HTR1E: variants seen among roughly 807,000 people sequenced by gnomAD.
HTR1E encodes 5-hydroxytryptamine receptor 1E.
In HTR1E, 3 loss-of-function variants were observed where a neutral mutation model predicts 3.4. That is an observed-to-expected ratio of 0.89 (90% confidence interval 0.41 to 2.31). The LOEUF is 2.31. HTR1E is among the 30% of genes most tolerant of loss of function. HTR1E has a pLI of 0.05. For synonymous variants in HTR1E, 170 were observed against 182.8 expected, an observed-to-expected ratio of 0.93 and a Z score of 0.56; for missense variants, 392 against 467.0, an observed-to-expected ratio of 0.84 and a Z score of 1.48.
chr6:87,015,060 T>A (rs1281588353), intron 1 of HTR1E, 90 bp from the exon 2 acceptor site: 4 of 244,310 alleles, frequency 1.6e-5, no homozygotes, highest in Non-Finnish European at 2.3e-5. Flanking sequence ...TTAAAATTTA[T>A]AAAGAATTTA....
chr6:86,959,297 C>T (rs935863384), intron 1 of HTR1E, among the ~76,000 whole-genome samples: 1 of 152,054 alleles, frequency 6.6e-6, no homozygotes, highest in African/African-American at 2.4e-5. Context: ...AAAAAACACT[C>T]AGCTGAGCAC....
chr6:87,009,094 G>T, intron 1 of HTR1E, among the ~76,000 whole-genome samples: 1 of 146,078 alleles, frequency 6.8e-6, no homozygotes, highest in South Asian at 2.2e-4. Flanking sequence ...GATAATTCTT[G>T]GGTGTTTCTC....
At chr6:87,005,312 C>T (rs892909633) in intron 1 of HTR1E, among the ~76,000 whole-genome samples, 7 of 151,912 alleles carry the variant, frequency 4.6e-5, no homozygotes, top group African/African-American at 1.2e-4. Context: ...CAAAACTGGA[C>T]GAATAACATT....
rs985185009 is a variant in HTR1E at position 86,937,770 on chromosome 6, A to C, written c.-239A>C. ...GGTTCCGAGTGAGACTTCTGGAGCC[A>C]GCTGGACGTGCCGGTTTGCCCAGTG... On this transcript the variant is annotated 5_prime_UTR_variant, in exon 1 of 2. Transcript: ENST00000305344. 1.3e-5 allele frequency: 2 copies of C among 152,956 alleles called. No homozygotes were observed. Among genetic ancestry groups the C allele is most frequent in the African/African-American group, 2.4e-5 (1 of 41,472 alleles). 9.5% of individuals were successfully genotyped at this position (152,956 alleles called of 1,614,324 possible). A position where few individuals can be genotyped will look rare whatever the true frequency, so the allele number is the denominator to read the frequency against.
intron 1 of HTR1E, among the ~76,000 whole-genome samples, chr6:86,960,882 T>C (rs1402352945): frequency 6.6e-6 from 1 of 152,218 alleles, no homozygotes; most frequent in Non-Finnish European, 1.5e-5. Context: ...TATCTGCTAC[T>C]ACTGCTAGTT....
chr6:86,958,826 A>G (rs1439951777), intron 1 of HTR1E, among the ~76,000 whole-genome samples: 1 of 152,176 alleles, frequency 6.6e-6, no homozygotes, highest in Non-Finnish European at 1.5e-5. Flanking sequence ...AGATCCTAGC[A>G]GCCCCAGACT....
chr6:87,004,446 C>G (rs1582281700), intron 1 of HTR1E, among the ~76,000 whole-genome samples: 1 of 152,084 alleles, frequency 6.6e-6, no homozygotes, highest in East Asian at 1.9e-4. Flanking sequence ...CAACATTATG[C>G]AAATCAATGA....
chr6:86,992,149 C>A (rs982134464), intron 1 of HTR1E, among the ~76,000 whole-genome samples: 2 of 152,174 alleles, frequency 1.3e-5, no homozygotes, highest in African/African-American at 4.8e-5. Context: ...GCCTTTAACA[C>A]CTTTTTCTGG....
chr6:87,002,841 C>G (rs1269567733), intron 1 of HTR1E, among the ~76,000 whole-genome samples: 1 of 152,162 alleles, frequency 6.6e-6, no homozygotes, highest in Non-Finnish European at 1.5e-5. Flanking sequence ...ATTATTACAG[C>G]TAAGGAGAGA....
At chr6:86,982,530 G>C (rs1168780795) in intron 1 of HTR1E, among the ~76,000 whole-genome samples, 5 of 152,214 alleles carry the variant, frequency 3.3e-5, no homozygotes, top group Admixed American at 3.3e-4. Flanking sequence ...GCCCTGAAGA[G>C]GGGTCTGGGG....
At chr6:86,998,042 AT>A (rs1024063381) in intron 1 of HTR1E, among the ~76,000 whole-genome samples, 12 of 151,646 alleles carry the variant, frequency 7.9e-5, no homozygotes, top group African/African-American at 2.9e-4. Context: ...ATCAAAAAAA[AT>A]CTTAAATGTG....
At chr6:87,013,592 A>G (rs578133144) in intron 1 of HTR1E, among the ~76,000 whole-genome samples, 1 of 152,312 alleles carries the variant, frequency 6.6e-6, no homozygotes, top group Admixed American at 6.5e-5. Flanking sequence ...GCTGCTTATT[A>G]TAAGCAATAT....
At chr6:86,971,416 T>C (rs905474878) in intron 1 of HTR1E, among the ~76,000 whole-genome samples, 3 of 152,172 alleles carry the variant, frequency 2.0e-5, no homozygotes, top group Admixed American at 6.5e-5. Flanking sequence ...AAAGGCATCA[T>C]GGATATGAGC....
At chr6:86,940,983 A>G (rs754122785) in intron 1 of HTR1E, among the ~76,000 whole-genome samples, 4 of 152,256 alleles carry the variant, frequency 2.6e-5, no homozygotes, top group Non-Finnish European at 5.9e-5. Flanking sequence ...ACCCCAGGGA[A>G]ACATTGAAGA....
At chr6:86,966,029 A>G (rs1208352561) in intron 1 of HTR1E, among the ~76,000 whole-genome samples, 1 of 152,076 alleles carries the variant, frequency 6.6e-6, no homozygotes, top group Non-Finnish European at 1.5e-5. Flanking sequence ...GAATTCTCTA[A>G]CACCCACAAA....
chr6:86,963,024 G>A (rs953016443), intron 1 of HTR1E, among the ~76,000 whole-genome samples: 1 of 151,984 alleles, frequency 6.6e-6, no homozygotes, highest in African/African-American at 2.4e-5. Flanking sequence ...CAGGTCCTTC[G>A]AGAGGTATTC....
chr6:86,952,498 GACACACACACAC>G (rs149359215), intron 1 of HTR1E, among the ~76,000 whole-genome samples: 1 of 146,944 alleles, frequency 6.8e-6, no homozygotes, highest in Non-Finnish European at 1.5e-5. Context: ...CACACACACA[GACACACACACAC>G]ACACACACAC....
intron 1 of HTR1E, among the ~76,000 whole-genome samples, chr6:86,941,674 T>A (rs546950381): frequency 1.3e-5 from 2 of 152,310 alleles, no homozygotes; most frequent in South Asian, 4.1e-4. Context: ...TAGTTATCAG[T>A]GCAGACCAGA....
At chr6:86,989,942 C>A (rs1047967655) in intron 1 of HTR1E, among the ~76,000 whole-genome samples, 2 of 152,100 alleles carry the variant, frequency 1.3e-5, no homozygotes, top group Admixed American at 1.3e-4. Flanking sequence ...CTTGAACATG[C>A]CCTTTGAGGT....
Sources: allele counts gnomAD v4.1 joint callset (sites outside exome capture counted in the v4.1 genomes callset), GRCh38; gene constraint gnomAD v4.1.1; transcripts MANE v1.5; gene names NCBI Gene and HGNC (gene_info 2026-07-23, HGNC 2026-07-21).